Variants in DMD observed in about 807,000 individuals in gnomAD.
DMD encodes dystrophin.
Under a neutral mutation model 330.1 loss-of-function variants are expected in DMD, and 63 were observed. That is an observed-to-expected ratio of 0.19 (90% CI 0.16 to 0.24). The LOEUF is 0.24. Among genes scored for constraint, DMD ranks in the 10% least tolerant of loss-of-function variants. The pLI, the probability that DMD is intolerant of heterozygous loss-of-function variation, is 1.00. For synonymous variants in DMD, 1,223 were observed against 959.8 expected (o/e 1.27, Z -5.07); for missense variants, 3,344 against 2,684.1 (o/e 1.25, Z -5.43).
intron 49 of DMD, among the ~76,000 whole-genome samples, chrX:31,830,425 T>C (rs2149465289): frequency 9.0e-6 from 1 of 111,291 alleles, no homozygotes; most frequent in South Asian, 3.8e-4. Context: ...AGAAACCCCA[T>C]CTCTACTAAA....
intron 51 of DMD, among the ~76,000 whole-genome samples, chrX:31,753,939 A>G (rs1281572904): frequency 9.0e-6 from 1 of 111,374 alleles, no homozygotes; most frequent in African/African-American, 3.3e-5. Context: ...CCCCTTCTCA[A>G]TACCCACTCT....
chrX:32,268,803 C>T (rs1037578775), intron 43 of DMD, among the ~76,000 whole-genome samples: 1 of 110,931 alleles, frequency 9.0e-6, no homozygotes, highest in Non-Finnish European at 1.9e-5. Context: ...GAATAAGGTA[C>T]TCTTTTTTGT....
chrX:33,244,652 G>A (rs759091138), intron 1 of DMD, among the ~76,000 whole-genome samples: 1 of 111,423 alleles, frequency 9.0e-6, no homozygotes, highest in East Asian at 2.8e-4. Context: ...AACTGAGTAG[G>A]CAAGGTCTCA....
At chrX:32,306,232 G>C (rs1208946915) in intron 42 of DMD, among the ~76,000 whole-genome samples, 1 of 110,898 alleles carries the variant, frequency 9.0e-6, no homozygotes, top group Non-Finnish European at 1.9e-5. Context: ...CATACTAAGA[G>C]CTTAATAACT....
At chrX:32,071,114 G>T (rs796989797) in intron 44 of DMD, among the ~76,000 whole-genome samples, 1 of 110,994 alleles carries the variant, frequency 9.0e-6, no homozygotes, top group East Asian at 2.9e-4. Flanking sequence ...GAATAGTGCC[G>T]CAATAAACAT....
intron 2 of DMD, among the ~76,000 whole-genome samples, chrX:32,894,023 C>T (rs185861104): frequency 2.7e-5 from 3 of 111,130 alleles, no homozygotes; most frequent in African/African-American, 9.8e-5. Context: ...CCAAACCTGC[C>T]GCTGAAAGCC....
rs139756699 is a variant in DMD, at chrX:32,890,343, A to C, written c.94-40523T>G. 5.4e-3 allele frequency among the ~76,000 whole-genome samples: 586 copies of C among 108,678 alleles called. 4 individuals are homozygous for C. Among genetic ancestry groups the C allele is most frequent in the African/African-American group, 0.018 (549 of 29,756 alleles). 94.4% of individuals were successfully genotyped at this position (108,678 alleles called of 115,157 possible). A position where few individuals can be genotyped will look rare whatever the true frequency, so the allele number is the denominator to read the frequency against. On this transcript the variant is annotated intron_variant, in intron 2 of 78. Transcript: ENST00000357033. Reference sequence around the variant, plus strand: ...AAGAGAAAATAAACCTTTCGTTGAAATTAACCTTAGACCTAGATTCTTAAA... The same window carrying C: ...AAGAGAAAATAAACCTTTCGTTGAACTTAACCTTAGACCTAGATTCTTAAA...
At chrX:31,371,308 A>AT (rs1342007697) in intron 60 of DMD, among the ~76,000 whole-genome samples, 13 of 101,256 alleles carry the variant, frequency 1.3e-4, no homozygotes, top group Non-Finnish European at 4.4e-5. Flanking sequence ...TATATTGAAT[A>AT]TTAATTCTAA....
intron 1 of DMD, among the ~76,000 whole-genome samples, chrX:33,275,581 A>G (rs961855650): frequency 8.9e-6 from 1 of 111,934 alleles, no homozygotes; most frequent in African/African-American, 3.2e-5. Flanking sequence ...GGTACGTGTA[A>G]TTAATGCTAG....
intron 52 of DMD, among the ~76,000 whole-genome samples, chrX:31,699,926 A>C (rs988334448): frequency 1.8e-5 from 2 of 111,456 alleles, no homozygotes; most frequent in African/African-American, 6.5e-5. Flanking sequence ...GGTGGCTCAC[A>C]CCTGTAATCC....
chrX:31,734,661 A>G (rs1036689916), intron 51 of DMD, among the ~76,000 whole-genome samples: 2 of 111,395 alleles, frequency 1.8e-5, no homozygotes, highest in Non-Finnish European at 1.9e-5. Flanking sequence ...AGCTAGGTGC[A>G]GGGGCTGTAG....
chrX:31,772,148 A>G (rs188512416), intron 51 of DMD, among the ~76,000 whole-genome samples: 2 of 112,625 alleles, frequency 1.8e-5, no homozygotes, highest in Admixed American at 1.9e-4. Context: ...GGAACCAAAT[A>G]TAATTACTAA....
intron 1 of DMD, among the ~76,000 whole-genome samples, chrX:33,301,886 T>C (rs1292077180): frequency 1.8e-5 from 2 of 112,104 alleles, no homozygotes; most frequent in East Asian, 5.6e-4. Flanking sequence ...ATATGAATTA[T>C]GTAGGACACA....
chrX:33,091,363 T>A (rs1158428863), intron 1 of DMD, among the ~76,000 whole-genome samples: 1 of 111,714 alleles, frequency 9.0e-6, no homozygotes, highest in Admixed American at 9.6e-5. Flanking sequence ...AGGAATGGAT[T>A]ATGAATGGCT....
intron 76 of DMD, among the ~76,000 whole-genome samples, chrX:31,143,606 T>C (rs2147891119): frequency 8.9e-6 from 1 of 112,372 alleles, no homozygotes; most frequent in African/African-American, 3.2e-5. Flanking sequence ...AAGTTATCTC[T>C]TAGCTTAGCC....
intron 29 of DMD, among the ~76,000 whole-genome samples, chrX:32,425,450 T>C (rs2098208273): frequency 9.0e-6 from 1 of 111,611 alleles, no homozygotes. Context: ...TATGTCTTTC[T>C]ATTGGATCTT....
At chrX:31,516,901 C>G (rs949403568) in intron 55 of DMD, among the ~76,000 whole-genome samples, 3 of 111,188 alleles carry the variant, frequency 2.7e-5, no homozygotes, top group African/African-American at 9.8e-5. Context: ...GTGGATTACC[C>G]CCGGAGGAAA....
At chrX:32,474,945 A>G (rs1405172303) in intron 21 of DMD, among the ~76,000 whole-genome samples, 1 of 111,399 alleles carries the variant, frequency 9.0e-6, no homozygotes, top group Non-Finnish European at 1.9e-5. Flanking sequence ...CAATGTCTAG[A>G]AAGTTTTTTC....
At position 33,189,363 on chromosome X, in the gene DMD, A is replaced by AAATACAAACATG. The variant is rs771507953; in HGVS notation, c.31+21918_31+21919insCATGTTTGTATT. ...TCCGTGTAACACTGATAAACATGCC[A>AAATACAAACATG]AGATATTTGTATTCTCATATTAAAG... On this transcript the variant is annotated intron_variant, in intron 1 of 78. Transcript: ENST00000357033. Among the ~76,000 whole-genome samples the AAATACAAACATG allele has an allele frequency of 6.2e-3, 693 of 111,939 alleles. 6 individuals carry two copies. The highest frequency in any genetic ancestry group is 0.022 in the African/African-American group (665 of 30,840).
Sources: gnomAD v4.1 joint callset for allele counts (sites outside exome capture counted in the v4.1 genomes callset) on GRCh38, gnomAD v4.1.1 for gene constraint, MANE v1.5 for transcripts, NCBI Gene and HGNC (gene_info 2026-07-23, HGNC 2026-07-21) for gene names.